The following RPS29 variants were observed in gnomAD, a reference collection of about 807,000 sequenced individuals.
RPS29 encodes small ribosomal subunit protein uS14.
For missense variants in RPS29, 60 were observed against 75.7 expected, an observed-to-expected ratio of 0.79 and a Z score of 0.77; for synonymous variants, 37 against 26.9, an observed-to-expected ratio of 1.37 and a Z score of -1.16.
intron 1 of RPS29, among the ~76,000 whole-genome samples, chr14:49,594,087 T>G (rs967394164): frequency 1.2e-4 from 18 of 152,334 alleles, no homozygotes; most frequent in African/African-American, 4.3e-4. Context: ...ATAAACGACA[T>G]TTCAGCTCTA....
chr14:49,592,840 G>A (rs1196939622), intron 1 of RPS29, among the ~76,000 whole-genome samples: 4 of 151,690 alleles, frequency 2.6e-5, no homozygotes, highest in South Asian at 2.1e-4. Context: ...CCCAGAAGGC[G>A]GAGGTTGCAG....
exon 1 of RPS29, chr14:49,598,486 C>T (rs1156976246): frequency 1.0e-5 from 7 of 702,404 alleles, no homozygotes; most frequent in African/African-American, 5.2e-5. Flanking sequence ...AGGTGTGCCT[C>T]CGGAGAGCAG....
At chr14:49,586,699 G>A, upstream of RPS29, 3 of 275,910 alleles carry the variant, frequency 1.1e-5, no homozygotes, top group Admixed American at 4.4e-5. Flanking sequence ...TCCGCACTAA[G>A]TTCGGCATCA....
At chr14:49,586,602 T>C, upstream of RPS29, 1 of 515,200 alleles carries the variant, frequency 1.9e-6, no homozygotes, top group Admixed American at 3.2e-5. Context: ...GGCGCGTGCC[T>C]GTAGTCCCAG....
exon 3 of RPS29, chr14:49,577,751 T>G: frequency 7.4e-7 from 1 of 1,346,560 alleles, no homozygotes; most frequent in Non-Finnish European, 1.1e-6. Context: ...CTTGGTGCTC[T>G]TTTTGATGAT....
At position 49,586,079 on chromosome 14, in the gene RPS29, G is replaced by A. The variant is rs200130788; in HGVS notation, c.63-30C>T. ...AAGAAAAGAGACAGCGGTTTTGCAG[G>A]TCATAGAAATTACAAGACTCCGCAC... On this transcript the variant is annotated intron_variant, in intron 1 of 2. Coordinates refer to ENST00000245458, the MANE Select transcript of RPS29 (RefSeq NM_001032.5). 1.2e-5 allele frequency: 19 copies of A among 1,593,090 alleles called. No individual in the cohort carries two copies. In the East Asian group the frequency reaches 3.4e-4, roughly 28 times the overall value.
At chr14:49,598,704 G>A (rs1372697637), upstream of RPS29, 2 of 699,432 alleles carry the variant, frequency 2.9e-6, no homozygotes, top group African/African-American at 1.7e-5. Flanking sequence ...AACAACCACC[G>A]CTGCCAGCTG....
At chr14:49,586,482 GGTGA>G (rs1881563373), upstream of RPS29, 16 of 766,942 alleles carry the variant, frequency 2.1e-5, no homozygotes, top group Middle Eastern at 2.3e-4. Context: ...TGTTTCGCTG[GGTGA>G]GTAAAATGAA....
chr14:49,585,650 G>T lies in RPS29; in HGVS notation c.162+300C>A, dbSNP rs116086242. ...ATGAAACAAATGTAAAACAATTTTA[G>T]TGGCTTCTCTAAAGTGAATTTCACC... On this transcript the variant is annotated intron_variant, in intron 2 of 2. Coordinates refer to ENST00000245458, the MANE Select transcript of RPS29 (RefSeq NM_001032.5). 4.1e-3 allele frequency: 1,791 copies of T among 436,948 alleles called. 27 individuals are homozygous for T. The highest frequency in any genetic ancestry group is 0.033 in the African/African-American group (1,620 of 49,388). The allele number at this position is 436,948 out of a possible 1,614,324, so 27.1% of individuals were successfully genotyped here.
At chr14:49,578,089 G>C (rs915189916) in intron 2 of RPS29, among the ~76,000 whole-genome samples, 1 of 151,870 alleles carries the variant, frequency 6.6e-6, no homozygotes, top group African/African-American at 2.4e-5. Flanking sequence ...GAAAACATGA[G>C]AGCCTTCATG....
exon 3 of RPS29, chr14:49,577,820 A>C (rs150065159): frequency 1.4e-5 from 23 of 1,603,460 alleles, no homozygotes; most frequent in Non-Finnish European, 1.8e-5. Flanking sequence ...TGTCACCTCC[A>C]TAGGCAGTGC....
upstream of RPS29, chr14:49,586,580 G>A (rs1445426860): frequency 1.5e-5 from 8 of 546,922 alleles, no homozygotes; most frequent in South Asian, 6.3e-5. Context: ...GTATCCGACC[G>A]CCGGGCGCGG....
exon 1 of RPS29, chr14:49,598,650 T>TA (rs1266619784): frequency 5.7e-6 from 4 of 700,732 alleles, no homozygotes; most frequent in Non-Finnish European, 1.0e-5. Flanking sequence ...CCGCAACGCG[T>TA]AAAGCGTCAA....
intron 1 of RPS29, among the ~76,000 whole-genome samples, chr14:49,596,019 AGGAG>A (rs35194256): frequency 5.2e-4 from 57 of 109,656 alleles, no homozygotes; most frequent in Non-Finnish European, 7.7e-4. Context: ...GAAGAAATGA[AGGAG>A]GGAGGGAGGG....
At chr14:49,593,113 C>T (rs1456605424) in intron 1 of RPS29, among the ~76,000 whole-genome samples, 2 of 152,182 alleles carry the variant, frequency 1.3e-5, no homozygotes, top group Non-Finnish European at 2.9e-5. Context: ...CTTATCCCAA[C>T]ACAAGCCGTA....
chr14:49,588,337 A>G (rs1347891115), upstream of RPS29, among the ~76,000 whole-genome samples: 2 of 152,220 alleles, frequency 1.3e-5, no homozygotes, highest in Non-Finnish European at 2.9e-5. Flanking sequence ...TAGTCTATAC[A>G]TTATTCTCTT....
At chr14:49,585,747 TTCACC>T (rs1881522857) in intron 2 of RPS29, 198 bp downstream of exon 2, 48 of 572,680 alleles carry the variant, frequency 8.4e-5, no homozygotes, top group Non-Finnish European at 1.2e-4. Context: ...GACTAAGTCC[TTCACC>T]TTCTCCATTC....
At chr14:49,578,048 G>A (rs1881233992) in intron 2 of RPS29, among the ~76,000 whole-genome samples, 1 of 151,908 alleles carries the variant, frequency 6.6e-6, no homozygotes, top group African/African-American at 2.4e-5. Flanking sequence ...AATAATCAGA[G>A]ATGGTTATAC....
At chr14:49,574,680 T>C (rs773278584) in exon 3 of RPS29, 3 of 152,194 alleles carry the variant, frequency 2.0e-5, no homozygotes, top group Non-Finnish European at 4.4e-5. Flanking sequence ...TCAGTGATGT[T>C]ATGTAAGTAT....
Sources: gnomAD v4.1 joint callset for allele counts (sites outside exome capture counted in the v4.1 genomes callset) on GRCh38, gnomAD v4.1.1 for gene constraint, MANE v1.5 for transcripts, NCBI Gene and HGNC (gene_info 2026-07-23, HGNC 2026-07-21) for gene names.